The following PATL2 variants were observed in gnomAD, a reference collection of about 807,000 sequenced individuals.
PATL2 encodes the protein protein PAT1 homolog 2.
PATL2 carries 73 observed loss-of-function variants against 77.0 expected under a neutral mutation model. The observed-to-expected ratio is 0.95, with a 90% confidence interval of 0.78 to 1.15. PATL2 has a LOEUF of 1.15. PATL2 is among the 50% of genes most tolerant of loss of function. The pLI is 0.00. For missense variants in PATL2, 618 were observed against 655.4 expected (o/e 0.94, Z 0.62); for synonymous variants, 265 against 257.1 (o/e 1.03, Z -0.29).
intron 12 of PATL2, 40 bp downstream of exon 12, chr15:44,669,470 G>A: frequency 6.5e-7 from 1 of 1,549,154 alleles, no homozygotes. Context: ...CATTCTCAAA[G>A]GTAGGTTTGG....
chr15:44,668,206 C>T (rs2085479354), intron 15 of PATL2, 136 bp downstream of exon 15: 2 of 1,138,062 alleles, frequency 1.8e-6, no homozygotes, highest in East Asian at 2.7e-5. Flanking sequence ...TCCAGGTGAT[C>T]ATGTGCTTAC....
intron 3 of PATL2, among the ~76,000 whole-genome samples, chr15:44,703,632 T>C (rs1289269642): frequency 6.6e-6 from 1 of 151,712 alleles, no homozygotes; most frequent in Non-Finnish European, 1.5e-5. Flanking sequence ...TCCATTGGAA[T>C]GGAATATATT....
intron 3 of PATL2, among the ~76,000 whole-genome samples, chr15:44,707,727 A>T (rs2086769905): frequency 6.6e-6 from 1 of 152,182 alleles, no homozygotes; most frequent in Admixed American, 6.5e-5. Flanking sequence ...TCCCTTGGCC[A>T]TCCCAGCTAG....
intron 16 of PATL2, chr15:44,666,884 C>A (rs978975520): frequency 1.9e-5 from 10 of 520,486 alleles, no homozygotes; most frequent in African/African-American, 1.4e-4. Context: ...TTTTTAAAAT[C>A]TAAAGCTTGT....
Position 44,669,793 on chromosome 15 carries a change from T to TG in PATL2, c.859dup (p.His287ProfsTer23), listed in dbSNP as rs2085572674. On this transcript the variant is annotated frameshift_variant, in exon 11 of 18. Coordinates refer to ENST00000682850, the MANE Select transcript of PATL2 (RefSeq NM_001387263.1). LOFTEE classifies it high-confidence loss of function. ...TGCTCCCACCTGCTCTTGAGTTCCA[T>TG]GGGGTACCGCATCAATAGCTCGGCG... 2 of 1,551,678 alleles carry TG rather than the reference T, an allele frequency of 1.3e-6. No individual in the cohort carries two copies. Among genetic ancestry groups the TG allele is most frequent in the Non-Finnish European group, 1.7e-6 (2 of 1,146,982 alleles).
intron 7 of PATL2, 150 bp downstream of exon 7, chr15:44,673,085 G>T (rs1435643076): frequency 1.8e-5 from 20 of 1,091,728 alleles, no homozygotes; most frequent in Non-Finnish European, 2.3e-5. Flanking sequence ...ATCTCCCTGG[G>T]GCTAATTTGT....
rs1595956601 is a variant in PATL2 at position 44,668,463 on chromosome 15, T to C, written c.1244A>G (p.Lys415Arg). 1 of 1,551,080 alleles carries C rather than the reference T, an allele frequency of 6.4e-7. No homozygotes were observed. The highest frequency in any genetic ancestry group is 2.4e-5 in the East Asian group (1 of 40,902). Residue 415 changes from lysine (K) to arginine (R), a missense_variant, in exon 15 of 18, where the codon AAA becomes AGA. Lys to Arg is a conservative substitution (Grantham distance 26). Transcript: ENST00000682850. ...VADQALQMLF[K>R]PLGKCISHLT... ...GTGACTAATACATTTGCCCAGAGGT[T>C]TGAATAACATTTGTAGGGCCTGCAA...
intron 3 of PATL2, among the ~76,000 whole-genome samples, chr15:44,702,123 C>A (rs1442407748): frequency 6.6e-6 from 1 of 152,056 alleles, no homozygotes; most frequent in Non-Finnish European, 1.5e-5. Context: ...TGTTTAGTAA[C>A]ATTTAGCAGT....
At chr15:44,709,525 A>C (rs1372176290) in intron 3 of PATL2, among the ~76,000 whole-genome samples, 1 of 152,114 alleles carries the variant, frequency 6.6e-6, no homozygotes, top group Admixed American at 6.6e-5. Context: ...CCACAAAAAT[A>C]TTAAAAATTA....
At chr15:44,683,489 T>C (rs1447315864) in intron 3 of PATL2, among the ~76,000 whole-genome samples, 1 of 152,104 alleles carries the variant, frequency 6.6e-6, no homozygotes, top group Non-Finnish European at 1.5e-5. Flanking sequence ...TCAAACTGGG[T>C]GGAGTCCACT....
At chr15:44,696,838 A>C (rs983171753) in intron 3 of PATL2, among the ~76,000 whole-genome samples, 1 of 152,204 alleles carries the variant, frequency 6.6e-6, no homozygotes, top group Admixed American at 6.5e-5. Flanking sequence ...AGCTGCTCAT[A>C]AATTAATTAT....
intron 3 of PATL2, among the ~76,000 whole-genome samples, chr15:44,709,003 A>T (rs2086796510): frequency 6.6e-6 from 1 of 152,092 alleles, no homozygotes; most frequent in Admixed American, 6.6e-5. Context: ...GGTTCAAGCA[A>T]TTCTCCTGCC....
At chr15:44,674,384 C>T in intron 5 of PATL2, 154 bp from the exon 6 acceptor site, 1 of 613,270 alleles carries the variant, frequency 1.6e-6, no homozygotes, top group Non-Finnish European at 2.9e-6. Flanking sequence ...GATTCAAAGT[C>T]AGCTGGGCCA....
At chr15:44,675,243 T>C (rs922258966) in intron 5 of PATL2, 16 of 494,256 alleles carry the variant, frequency 3.2e-5, no homozygotes, top group African/African-American at 3.1e-4. Context: ...CCACCGCCTG[T>C]GGGCGATGCA....
chr15:44,668,201 GTGATCA>G, intron 15 of PATL2, 135 bp downstream of exon 15: 1 of 1,112,242 alleles, frequency 9.0e-7, no homozygotes, highest in Admixed American at 3.1e-5. Flanking sequence ...AAGCTTCCAG[GTGATCA>G]TGTGCTTACT....
chr15:44,676,518 A>T lies in PATL2; in HGVS notation c.-28T>A. 2 of 1,551,410 alleles carry T rather than the reference A, an allele frequency of 1.3e-6. No homozygotes were observed. Among genetic ancestry groups the T allele is most frequent in the Non-Finnish European group, 1.7e-6 (2 of 1,146,826 alleles). On this transcript the variant is annotated 5_prime_UTR_variant, in exon 4 of 18. Transcript: ENST00000682850. ...TGGCAGGCTGGTGGACTTCCTTCTTAGCCGTGTCCTCCAGTGAAACAGCAT... is the reference window on the plus strand; with the variant it reads ...TGGCAGGCTGGTGGACTTCCTTCTTTGCCGTGTCCTCCAGTGAAACAGCAT...
chr15:44,711,029 G>A lies in PATL2; in HGVS notation c.-263C>T, dbSNP rs2141283230. 4.3e-6 allele frequency: 1 copy of A among 230,794 alleles called. No homozygotes were observed. Among genetic ancestry groups the A allele is most frequent in the East Asian group, 1.1e-4 (1 of 9,336 alleles). 14.3% of individuals were successfully genotyped at this position (230,794 alleles called of 1,614,324 possible). ...GGACTATTTTTCTTACCCAGAGAAT[G>A]GAGAAACCCTGCAGGGAATTCCCAA... On this transcript the variant is annotated 5_prime_UTR_variant, in exon 1 of 18. Transcript: ENST00000682850.
Position 44,666,435 on chromosome 15 carries a change from G to A in PATL2, c.1570C>T (p.His524Tyr), listed in dbSNP as rs1317680658. ...TGCTGAACCAATTGTTTGTCCACGT[G>A]GTGACAGAACAGGGGAAGTAGGTTG... Reference protein sequence around the residue: ...PSNLLPLFCHHVDKQLVQQLE... With the variant: ...PSNLLPLFCHYVDKQLVQQLE... Residue 524 changes from histidine (H) to tyrosine (Y), a missense_variant, in exon 17 of 18, where the codon CAC becomes TAC. His to Tyr is a moderately conservative substitution (Grantham distance 83). Transcript: ENST00000682850. The A allele has an allele frequency of 6.4e-7, 1 of 1,551,708 alleles. No individual in the cohort carries two copies. The highest frequency in any genetic ancestry group is 2.0e-5 in the Admixed American group (1 of 51,002).
chr15:44,691,328 C>T (rs562785785), intron 3 of PATL2, among the ~76,000 whole-genome samples: 28 of 152,224 alleles, frequency 1.8e-4, no homozygotes, highest in Middle Eastern at 6.8e-3. Context: ...ATAACTGCTA[C>T]GCTTACAGAG....
Sources: allele counts gnomAD v4.1 joint callset (sites outside exome capture counted in the v4.1 genomes callset), GRCh38; gene constraint gnomAD v4.1.1; transcripts MANE v1.5; gene names NCBI Gene and HGNC (gene_info 2026-07-23, HGNC 2026-07-21).